Variants in GPC5 observed in about 807,000 individuals in gnomAD.
GPC5 encodes glypican 5, also known as glypican-5.
Under a neutral mutation model 53.9 loss-of-function variants are expected in GPC5, and 47 were observed. The ratio of observed to expected loss-of-function variants is 0.87; its 90% CI spans 0.69 to 1.11. The LOEUF is 1.11. GPC5 is among the 50% of genes most tolerant of loss of function. GPC5 has a pLI of 0.00. For synonymous variants in GPC5, 286 were observed against 263.3 expected, an observed-to-expected ratio of 1.09 and a Z score of -0.84; for missense variants, 748 against 713.1, an observed-to-expected ratio of 1.05 and a Z score of -0.56.
chr13:91,939,065 T>C (rs1594675473), intron 6 of GPC5, among the ~76,000 whole-genome samples: 1 of 152,138 alleles, frequency 6.6e-6, no homozygotes, highest in South Asian at 2.1e-4. Flanking sequence ...ACTAGAAAAA[T>C]CCCTGTTTTT....
At position 91,501,391 on chromosome 13, in the gene GPC5, C is replaced by A. The variant is rs1156398510; in HGVS notation, c.325+52469C>A. On this transcript the variant is annotated intron_variant, in intron 2 of 7. Coordinates refer to ENST00000377067, the MANE Select transcript of GPC5 (RefSeq NM_004466.6). ...GGTATATCTCCAAATGCTATCCCTA[C>A]CCCCTCTCCCCACCCCACAACAGGC... Among the ~76,000 whole-genome samples the A allele has an allele frequency of 4.6e-5, 7 of 152,090 alleles. No individual in the cohort carries two copies. In the South Asian group the frequency reaches 8.3e-4, roughly 18 times the overall value.
At chr13:91,972,396 C>A (rs1216366082) in intron 6 of GPC5, among the ~76,000 whole-genome samples, 1 of 152,146 alleles carries the variant, frequency 6.6e-6, no homozygotes, top group Non-Finnish European at 1.5e-5. Flanking sequence ...ATACAGCACA[C>A]TGATGGGTCT....
At chr13:91,572,738 G>C (rs2031982012) in intron 2 of GPC5, among the ~76,000 whole-genome samples, 1 of 151,966 alleles carries the variant, frequency 6.6e-6, no homozygotes, top group Non-Finnish European at 1.5e-5. Context: ...CATGAGATTT[G>C]GAGTGGACAA....
intron 7 of GPC5, among the ~76,000 whole-genome samples, chr13:92,726,585 C>CT (rs538299387): frequency 6.6e-6 from 1 of 151,464 alleles, no homozygotes; most frequent in Non-Finnish European, 1.5e-5. Flanking sequence ...AGGAATAAAA[C>CT]TTTTTTTCCA....
At chr13:92,287,074 T>G (rs1014373077) in intron 7 of GPC5, among the ~76,000 whole-genome samples, 1 of 152,150 alleles carries the variant, frequency 6.6e-6, no homozygotes, top group East Asian at 1.9e-4. Flanking sequence ...TGTTGCTTAA[T>G]CCACCAAGTC....
At chr13:92,561,444 A>G (rs1212514145) in intron 7 of GPC5, among the ~76,000 whole-genome samples, 1 of 152,010 alleles carries the variant, frequency 6.6e-6, no homozygotes, top group Non-Finnish European at 1.5e-5. Flanking sequence ...AGTTTCTTCT[A>G]TTTAAAATAA....
chr13:92,018,072 G>A (rs1158004069), intron 6 of GPC5, among the ~76,000 whole-genome samples: 1 of 151,964 alleles, frequency 6.6e-6, no homozygotes, highest in African/African-American at 2.4e-5. Flanking sequence ...TAGTGGCTGA[G>A]GGCTTTTTAA....
chr13:91,920,920 CTCTCTCTTTTTTTTTT>C (rs2039705495), intron 6 of GPC5, among the ~76,000 whole-genome samples: 1 of 60,032 alleles, frequency 1.7e-5, no homozygotes, highest in African/African-American at 6.8e-5. Context: ...CTCTCTCTCT[CTCTCTCTTTTTTTTTT>C]TTTTTTTTTT....
At chr13:91,548,633 T>C (rs9589288) in intron 2 of GPC5, among the ~76,000 whole-genome samples, 20,393 of 152,154 alleles carry the variant, frequency 0.13, 1,737 homozygotes, top group African/African-American at 0.23. Flanking sequence ...AGGCAGAAGA[T>C]CCAGAATAGT....
intron 7 of GPC5, among the ~76,000 whole-genome samples, chr13:92,716,444 C>T (rs1182175311): frequency 3.0e-4 from 46 of 151,756 alleles, no homozygotes; most frequent in East Asian, 1.9e-4. Context: ...GTCTTCCCAC[C>T]GAGGCTCCTC....
chr13:92,595,792 G>T (rs1192539417), intron 7 of GPC5, among the ~76,000 whole-genome samples: 4 of 138,848 alleles, frequency 2.9e-5, no homozygotes, highest in Non-Finnish European at 6.3e-5. Context: ...AAAAAAGATA[G>T]TATTTACTTT....
intron 7 of GPC5, among the ~76,000 whole-genome samples, chr13:92,527,184 A>C (rs1219413488): frequency 6.9e-5 from 1 of 14,394 alleles, no homozygotes; most frequent in Non-Finnish European, 1.3e-4. Context: ...GAAAGAAAGA[A>C]GAAAGAAAGA....
At chr13:92,236,309 T>C (rs1364253733) in intron 7 of GPC5, among the ~76,000 whole-genome samples, 1 of 152,098 alleles carries the variant, frequency 6.6e-6, no homozygotes, top group Non-Finnish European at 1.5e-5. Context: ...TAGTCTAAAA[T>C]TGTATGAGAG....
At chr13:92,344,869 G>A (rs2043397592) in intron 7 of GPC5, among the ~76,000 whole-genome samples, 1 of 152,008 alleles carries the variant, frequency 6.6e-6, no homozygotes, top group Non-Finnish European at 1.5e-5. Context: ...ACTGAAGTTT[G>A]GTCTTTTTTC....
chr13:91,781,821 A>G lies in GPC5; in HGVS notation c.1280+25401A>G, dbSNP rs2037803054. ...CTTCGCAATCTCACTTCAGTAATCT[A>G]CTATAAACAATAAACTTCCACTCTT... is the stretch of plus-strand genomic sequence containing the variant. On this transcript the variant is annotated intron_variant, in intron 5 of 7. Transcript: ENST00000377067. Among the ~76,000 whole-genome samples, 3 of 152,208 alleles carry G rather than the reference A, an allele frequency of 2.0e-5. No individual in the cohort carries two copies. In the South Asian group the frequency reaches 6.2e-4, roughly 31 times the overall value.
intron 2 of GPC5, among the ~76,000 whole-genome samples, chr13:91,562,805 C>T (rs1216012304): frequency 3.3e-5 from 5 of 151,890 alleles, no homozygotes; most frequent in African/African-American, 1.2e-4. Flanking sequence ...AAAAATAACC[C>T]AGAAACTTTC....
At chr13:92,511,560 C>A (rs1162538449) in intron 7 of GPC5, among the ~76,000 whole-genome samples, 1 of 152,048 alleles carries the variant, frequency 6.6e-6, no homozygotes, top group Admixed American at 6.6e-5. Context: ...TAAATGATAC[C>A]TCTGTTGTTC....
At chr13:92,513,918 G>C (rs1880674744) in intron 7 of GPC5, among the ~76,000 whole-genome samples, 1 of 151,920 alleles carries the variant, frequency 6.6e-6, no homozygotes. Context: ...CATCATGTTG[G>C]CACTCAAAAA....
intron 7 of GPC5, among the ~76,000 whole-genome samples, chr13:92,692,969 G>A (rs1887457049): frequency 6.6e-6 from 1 of 151,684 alleles, no homozygotes; most frequent in Admixed American, 6.6e-5. Flanking sequence ...CATGGGGGTG[G>A]TTTCCCTCAT....
Sources: allele counts gnomAD v4.1 joint callset (sites outside exome capture counted in the v4.1 genomes callset), GRCh38; gene constraint gnomAD v4.1.1; transcripts MANE v1.5; gene names NCBI Gene and HGNC (gene_info 2026-07-23, HGNC 2026-07-21).